Variants in MYO9A observed in about 807,000 individuals in gnomAD.
MYO9A encodes myosin IXA.
Under a neutral mutation model 293.3 loss-of-function variants are expected in MYO9A, and 103 were observed. The observed-to-expected ratio is 0.35, with a 90% CI of 0.30 to 0.41. The LOEUF (loss-of-function observed/expected upper bound fraction) is 0.41, where lower values mean the gene tolerates loss of function less well. MYO9A is among the 10% of genes least tolerant of loss of function. The pLI, the probability that MYO9A is intolerant of heterozygous loss-of-function variation, is 1.00. For missense variants in MYO9A, 2,685 were observed against 3,033.0 expected, an observed-to-expected ratio of 0.89 and a Z score of 2.69; for synonymous variants, 1,001 against 1,035.7, an observed-to-expected ratio of 0.97 and a Z score of 0.64.
At chr15:71,956,364 C>T (rs550576979) in intron 14 of MYO9A, among the ~76,000 whole-genome samples, 3 of 89,024 alleles carry the variant, frequency 3.4e-5, no homozygotes, top group African/African-American at 1.2e-4. Context: ...ATACGCCCAG[C>T]GTGGTGGCTC....
chr15:71,933,771 G>T, intron 17 of MYO9A, 62 bp from the exon 18 acceptor site: 2 of 1,382,014 alleles, frequency 1.4e-6, no homozygotes, highest in Non-Finnish European at 2.0e-6. Context: ...AAAAGCTACT[G>T]TAGAGAAGAA....
chr15:71,863,082 C>T (rs28602607), intron 32 of MYO9A, among the ~76,000 whole-genome samples: 2,844 of 151,840 alleles, frequency 0.019, 33 homozygotes, highest in African/African-American at 0.025. Flanking sequence ...CCTACCACTA[C>T]GCCTGGATAA....
At position 72,095,148 on chromosome 15, in the gene MYO9A, T is replaced by C. The variant is rs1372833889; in HGVS notation, c.-72+22532A>G. On this transcript the variant is annotated intron_variant, in intron 1 of 41. Transcript: ENST00000356056. The stretch of plus-strand genomic sequence containing the variant: ...ATTAGGCTTAGTGAGAAAGGCATGC[T>C]GAAAACCTAGACAGGCCAAAAGCTA... Among the ~76,000 whole-genome samples, 2 of 92,776 alleles carry C rather than the reference T, an allele frequency of 2.2e-5. 1 individual carries two copies. Among genetic ancestry groups the C allele is most frequent in the Non-Finnish European group, 6.5e-5 (2 of 30,660 alleles). 60.9% of individuals were successfully genotyped at this position (92,776 alleles called of 152,430 possible).
intron 39 of MYO9A, among the ~76,000 whole-genome samples, chr15:71,846,258 G>A (rs1874997326): frequency 6.6e-6 from 1 of 152,172 alleles, no homozygotes; most frequent in Admixed American, 6.5e-5. Flanking sequence ...CGGAATAGCA[G>A]TGTTGAACAA....
chr15:72,107,545 C>A (rs35673773), intron 1 of MYO9A, among the ~76,000 whole-genome samples: 30,131 of 151,590 alleles, frequency 0.2, 3,208 homozygotes, highest in East Asian at 0.41. Context: ...CAAGACTTTG[C>A]CCCTCCCCTC....
At chr15:72,007,196 T>C (rs1241853127) in intron 8 of MYO9A, among the ~76,000 whole-genome samples, 3 of 152,128 alleles carry the variant, frequency 2.0e-5, no homozygotes, top group East Asian at 1.9e-4. Context: ...TGCCAGACGA[T>C]AGGGCCTATA....
intron 2 of MYO9A, chr15:72,036,623 C>T (rs1360738253): frequency 6.6e-6 from 1 of 152,092 alleles, no homozygotes; most frequent in Non-Finnish European, 1.5e-5. Context: ...ATCCAAACTC[C>T]ACTTCCCCGA....
At chr15:71,971,914 G>A (rs1463472625) in intron 12 of MYO9A, among the ~76,000 whole-genome samples, 2 of 152,116 alleles carry the variant, frequency 1.3e-5, no homozygotes, top group South Asian at 2.1e-4. Context: ...TCAGGAGCAG[G>A]CCTCAGGAAA....
chr15:72,107,556 C>T (rs1346606193), intron 1 of MYO9A, among the ~76,000 whole-genome samples: 1 of 151,084 alleles, frequency 6.6e-6, no homozygotes, highest in Non-Finnish European at 1.5e-5. Flanking sequence ...CCCTCCCCTC[C>T]AAAAAATATT....
At chr15:71,944,205 T>C (rs1159990812) in intron 15 of MYO9A, among the ~76,000 whole-genome samples, 1 of 152,138 alleles carries the variant, frequency 6.6e-6, no homozygotes, top group African/African-American at 2.4e-5. Flanking sequence ...GTTTATCTTA[T>C]TATTGTAGGA....
chr15:72,118,131 A>G lies in MYO9A; in HGVS notation c.-523T>C, dbSNP rs1033851824. The G allele has an allele frequency of 7.9e-5, 30 of 378,150 alleles. No individual in the cohort carries two copies. The highest frequency in any genetic ancestry group is 1.3e-4 in the Non-Finnish European group (27 of 213,706). The allele number at this position is 378,150 out of a possible 1,614,324, so 23.4% of individuals were successfully genotyped here. On this transcript the variant is annotated 5_prime_UTR_variant, in exon 1 of 42. Transcript: ENST00000356056. ...CCGCCCCGCGCGACTCCCCGGCTGC[A>G]GGCGAGCAGGCGCGCGCGCACTTAC...
Position 71,951,786 on chromosome 15 carries a change from C to G in MYO9A, c.2293G>C (p.Glu765Gln), listed in dbSNP as rs1567309578. Residue 765 changes from glutamate to glutamine, a missense_variant, in exon 15 of 42, where the codon GAG becomes CAG. Around this residue, in one of 10 missense-constraint regions of MYO9A, gnomAD observed 1,434 missense variants for 1,497.7 expected, o/e 0.96. Transcript: ENST00000356056. The part of the protein sequence containing the change: ...SLEILQRCKE[E>Q]KYSITRKNPR... ...GGATTTGTAGCCTTACTGTACTTCT[C>G]TTCCTTGCATCTCTGCAGAATCTCT... 4 of 1,613,764 alleles carry G rather than the reference C, an allele frequency of 2.5e-6. No homozygotes were observed. The highest frequency in any genetic ancestry group is 1.7e-6 in the Non-Finnish European group (2 of 1,179,860).
At position 71,878,100 on chromosome 15, in the gene MYO9A, A is replaced by G; in HGVS notation, c.5871T>C (p.Phe1957=). The part of the protein sequence containing the change: ...ESPVRVWVNT[F]KVFLDEYMNE... ...TCATATATTCATCTAAAAACACTTT[A>G]AAAGTGTTGACCCAAACTCTCACTG... The change falls in exon 31 of 42, where the codon TTT becomes TTC. Residue 1957 remains phenylalanine, a synonymous_variant. Transcript: ENST00000356056. The G allele has an allele frequency of 2.5e-6, 4 of 1,610,918 alleles. No homozygotes were observed. Among genetic ancestry groups the G allele is most frequent in the Non-Finnish European group, 3.4e-6 (4 of 1,178,838 alleles).
chr15:71,956,851 ACACACACAAAT>A (rs1567315969), intron 14 of MYO9A, among the ~76,000 whole-genome samples: 52 of 94,606 alleles, frequency 5.5e-4, no homozygotes, highest in African/African-American at 2.0e-3. Context: ...ACACACACAC[ACACACACAAAT>A]ATATATATAT....
rs1347649421 is a variant in MYO9A, at chr15:71,826,509, G to A, written c.*71C>T. The A allele has an allele frequency of 1.4e-6, 2 of 1,404,762 alleles. No individual in the cohort carries two copies. The highest frequency in any genetic ancestry group is 1.9e-6 in the Non-Finnish European group (2 of 1,033,996). The allele number at this position is 1,404,762 out of a possible 1,614,324, so 87.0% of individuals were successfully genotyped here. A position where few individuals can be genotyped will look rare whatever the true frequency, so the allele number is the denominator to read the frequency against. On this transcript the variant is annotated 3_prime_UTR_variant, in exon 42 of 42. Transcript: ENST00000356056. ...TAGGATTGACTATTGTGGACGAGGT[G>A]ATGAAACGCAGCCCCAAAGGTGAGA...
intron 18 of MYO9A, among the ~76,000 whole-genome samples, chr15:71,923,143 A>C (rs941194446): frequency 6.6e-5 from 10 of 151,980 alleles, no homozygotes; most frequent in Admixed American, 5.2e-4. Flanking sequence ...TAACTGTATA[A>C]TTTTTTCCCT....
intron 18 of MYO9A, among the ~76,000 whole-genome samples, chr15:71,930,903 C>A (rs776157084): frequency 5.3e-5 from 8 of 152,186 alleles, no homozygotes; most frequent in Admixed American, 2.0e-4. Context: ...CATATACTTA[C>A]AACTGGCTAT....
At chr15:71,902,919 G>A in intron 22 of MYO9A, 22 bp downstream of exon 22, 1 of 1,538,616 alleles carries the variant, frequency 6.5e-7, no homozygotes, top group South Asian at 1.2e-5. Context: ...ATTTTGACCA[G>A]AGCTATACAG....
intron 17 of MYO9A, 144 bp from the exon 18 acceptor site, chr15:71,933,853 A>C (rs2058552655): frequency 1.4e-6 from 1 of 700,162 alleles, no homozygotes; most frequent in Non-Finnish European, 2.4e-6. Context: ...TTATATGAAA[A>C]CACTATCTGA....
Sources: gnomAD v4.1 joint callset for allele counts (sites outside exome capture counted in the v4.1 genomes callset) on GRCh38, gnomAD v4.1.1 for gene constraint, gnomAD v4.1.1 regional missense constraint, MANE v1.5 for transcripts, NCBI Gene and HGNC (gene_info 2026-07-23, HGNC 2026-07-21) for gene names.